The following LPAR3 variants were observed in gnomAD, a reference collection of about 807,000 sequenced individuals.
The protein encoded by LPAR3 is lysophosphatidic acid receptor 3.
A neutral mutation model predicts 17.8 loss-of-function variants in LPAR3; 7 were observed. The ratio of observed to expected loss-of-function variants is 0.39; its 90% CI spans 0.22 to 0.74. LPAR3 has a LOEUF of 0.74. Ranked by LOEUF, LPAR3 falls within the 30% of genes least tolerant of loss-of-function variation. The pLI is 0.40. For missense variants in LPAR3, 391 were observed against 453.4 expected, an observed-to-expected ratio of 0.86 and a Z score of 1.25; for synonymous variants, 179 against 179.9, an observed-to-expected ratio of 0.99 and a Z score of 0.04.
intron 1 of LPAR3, among the ~76,000 whole-genome samples, chr1:84,876,953 T>C (rs530984691): frequency 1.3e-5 from 2 of 152,128 alleles, no homozygotes; most frequent in Non-Finnish European, 2.9e-5. Context: ...AGATAGTAAG[T>C]GATTCAATAA....
At chr1:84,872,329 C>T (rs1051388571) in intron 1 of LPAR3, among the ~76,000 whole-genome samples, 1 of 152,084 alleles carries the variant, frequency 6.6e-6, no homozygotes, top group Non-Finnish European at 1.5e-5. Context: ...GGAGACTTGG[C>T]TCCAAGTCCT....
chr1:84,868,975 T>C (rs1321364808), intron 1 of LPAR3, among the ~76,000 whole-genome samples: 1 of 152,234 alleles, frequency 6.6e-6, no homozygotes. Context: ...TATTTTACTT[T>C]GTTTCATGCT....
intron 2 of LPAR3, among the ~76,000 whole-genome samples, chr1:84,863,653 T>C (rs1381084620): frequency 6.6e-6 from 1 of 152,140 alleles, no homozygotes; most frequent in Non-Finnish European, 1.5e-5. Flanking sequence ...AAATACCAGT[T>C]TCCCCCCAGG....
intron 2 of LPAR3, among the ~76,000 whole-genome samples, chr1:84,854,795 T>C (rs1487391863): frequency 1.3e-5 from 2 of 152,252 alleles, no homozygotes; most frequent in East Asian, 3.8e-4. Context: ...TGTGATTCAC[T>C]GTCACTCAGG....
chr1:84,833,182 C>G (rs2102750660), intron 2 of LPAR3, among the ~76,000 whole-genome samples: 1 of 152,302 alleles, frequency 6.6e-6, no homozygotes, highest in African/African-American at 2.4e-5. Context: ...TCATGACACT[C>G]AAATAACAAA....
intron 2 of LPAR3, among the ~76,000 whole-genome samples, chr1:84,831,261 T>C (rs1659277783): frequency 6.6e-6 from 1 of 152,178 alleles, no homozygotes; most frequent in South Asian, 2.1e-4. Flanking sequence ...CCCTCAGTCC[T>C]TCCCACCACT....
rs889313429 is a variant in LPAR3, at chr1:84,882,240, T to C, written c.-19+10776A>G. 6.6e-5 allele frequency among the ~76,000 whole-genome samples: 10 copies of C among 152,230 alleles called. No individual in the cohort carries two copies. In the Middle Eastern group the frequency reaches 0.01, roughly 155 times the overall value. On this transcript the variant is annotated intron_variant, in intron 1 of 2. Coordinates refer to ENST00000370611, the MANE Select transcript of LPAR3 (RefSeq NM_012152.3). ...ATTATGAAAACAATTAAATTCACAA[T>C]AGTATTAAAAAGAATAAAACCCTGA...
intron 1 of LPAR3, among the ~76,000 whole-genome samples, chr1:84,866,614 G>C (rs1483818116): frequency 1.3e-5 from 2 of 152,158 alleles, no homozygotes; most frequent in African/African-American, 4.8e-5. Flanking sequence ...TTATGGATAT[G>C]TTCATTAATC....
At chr1:84,817,467 G>A (rs764751215) in intron 2 of LPAR3, among the ~76,000 whole-genome samples, 1 of 152,120 alleles carries the variant, frequency 6.6e-6, no homozygotes, top group Non-Finnish European at 1.5e-5. Context: ...TAGATAAACT[G>A]TGCATCTCTT....
chr1:84,869,322 T>C (rs889054037), intron 1 of LPAR3, among the ~76,000 whole-genome samples: 4 of 152,164 alleles, frequency 2.6e-5, no homozygotes, highest in African/African-American at 9.7e-5. Flanking sequence ...TCTGACAAAG[T>C]TGAGACATCA....
intron 2 of LPAR3, among the ~76,000 whole-genome samples, chr1:84,856,753 G>C (rs1408767572): frequency 6.6e-6 from 1 of 152,130 alleles, no homozygotes; most frequent in Non-Finnish European, 1.5e-5. Flanking sequence ...TTTCTTATGA[G>C]GACCATCCTA....
chr1:84,860,800 G>A (rs1321545795), intron 2 of LPAR3, among the ~76,000 whole-genome samples: 4 of 142,654 alleles, frequency 2.8e-5, no homozygotes, highest in Admixed American at 7.3e-5. Context: ...GTGCGGGGGC[G>A]CCATCTTGGC....
chr1:84,868,055 T>C (rs1243760619), intron 1 of LPAR3, among the ~76,000 whole-genome samples: 1 of 152,234 alleles, frequency 6.6e-6, no homozygotes, highest in African/African-American at 2.4e-5. Flanking sequence ...AAGTAAAGGA[T>C]ATAAATCTAT....
chr1:84,863,071 T>A (rs1659970984), intron 2 of LPAR3, among the ~76,000 whole-genome samples: 2 of 152,034 alleles, frequency 1.3e-5, no homozygotes, highest in African/African-American at 4.8e-5. Flanking sequence ...CTTTTTTTTT[T>A]TTTGGTTTTG....
intron 2 of LPAR3, among the ~76,000 whole-genome samples, chr1:84,835,736 A>G (rs1324622199): frequency 1.3e-5 from 2 of 152,178 alleles, no homozygotes; most frequent in African/African-American, 4.8e-5. Flanking sequence ...TTCTTGCTAG[A>G]TTGACGTCAA....
chr1:84,874,521 G>A (rs1031817268), intron 1 of LPAR3, among the ~76,000 whole-genome samples: 2 of 152,182 alleles, frequency 1.3e-5, no homozygotes, highest in South Asian at 4.1e-4. Flanking sequence ...ACTGTCTTAA[G>A]CATATTCATT....
Position 84,813,150 on chromosome 1 carries a change from T to TAGAGAGAGAG in LPAR3, c.*695_*696insCTCTCTCTCT, listed in dbSNP as rs1175209623. 1,171 of 110,706 alleles carry TAGAGAGAGAG rather than the reference T, an allele frequency of 0.011. 17 individuals carry two copies. The highest frequency in any genetic ancestry group is 0.016 in the Non-Finnish European group (880 of 54,746). 6.9% of individuals were successfully genotyped at this position (110,706 alleles called of 1,614,324 possible). Reference sequence around the variant, plus strand: ...GAATATATATATATATATATATATATATATATATAGACACACACACACACA... The same window carrying TAGAGAGAGAG: ...GAATATATATATATATATATATATATAGAGAGAGAGATATATATAGACACACACACACACA... On this transcript the variant is annotated 3_prime_UTR_variant, in exon 3 of 3. Transcript: ENST00000370611.
chr1:84,886,982 T>TA, intron 1 of LPAR3, among the ~76,000 whole-genome samples: 1 of 152,246 alleles, frequency 6.6e-6, no homozygotes, highest in South Asian at 2.1e-4. Context: ...CCATGAACAG[T>TA]TCTTAGTAAA....
chr1:84,829,152 ATTTTTTTTTTTTTTTTT>A (rs56095946), intron 2 of LPAR3, among the ~76,000 whole-genome samples: 1 of 55,526 alleles, frequency 1.8e-5, no homozygotes, highest in Non-Finnish European at 3.0e-5. Context: ...CCTCTCTGCA[ATTTTTTTTTTTTTTTTT>A]TTTTTTTTTT....
Sources: allele counts gnomAD v4.1 joint callset (sites outside exome capture counted in the v4.1 genomes callset), GRCh38; gene constraint gnomAD v4.1.1; transcripts MANE v1.5; gene names NCBI Gene and HGNC (gene_info 2026-07-23, HGNC 2026-07-21).